The following NXPE4 variants were observed in gnomAD, a reference collection of about 807,000 sequenced individuals.
NXPE4 encodes neurexophilin and PC-esterase domain family member 4.
Under a neutral mutation model 33.3 loss-of-function variants are expected in NXPE4, and 42 were observed. That is an observed-to-expected ratio of 1.26 (90% CI 0.98 to 1.63). NXPE4 has a LOEUF of 1.63. Ranked by LOEUF, NXPE4 falls within the 40% of genes most tolerant of loss-of-function variation. The probability of loss-of-function intolerance (pLI) is 0.00; values close to 1 mark genes in which losing one functional copy is unlikely to be tolerated. For missense variants in NXPE4, 709 were observed against 647.6 expected (o/e 1.09, Z -1.03); for synonymous variants, 253 against 234.9 (o/e 1.08, Z -0.71).
At chr11:114,577,556 A>G (rs1949040020) in intron 5 of NXPE4, among the ~76,000 whole-genome samples, 1 of 152,156 alleles carries the variant, frequency 6.6e-6, no homozygotes, top group African/African-American at 2.4e-5. Flanking sequence ...GAAATAAAAA[A>G]CTTAAAAATT....
the NXPE4 span, among the ~76,000 whole-genome samples, chr11:114,676,151 A>G: frequency 6.6e-6 from 1 of 152,004 alleles, no homozygotes; most frequent in Non-Finnish European, 1.5e-5. Flanking sequence ...TAAAACTGCT[A>G]GAAGAAAACA....
chr11:114,625,948 G>T, the NXPE4 span, among the ~76,000 whole-genome samples: 1 of 152,108 alleles, frequency 6.6e-6, no homozygotes, highest in African/African-American at 2.4e-5. Flanking sequence ...ACTCCCACCC[G>T]AATACTGCAC....
chr11:114,631,458 G>A, the NXPE4 span, among the ~76,000 whole-genome samples: 43 of 145,972 alleles, frequency 2.9e-4, no homozygotes, highest in South Asian at 8.4e-3. Context: ...TCACTCATAG[G>A]TGGGAACTGA....
chr11:114,670,602 G>A, the NXPE4 span, among the ~76,000 whole-genome samples: 3 of 152,044 alleles, frequency 2.0e-5, no homozygotes, highest in Admixed American at 6.6e-5. Flanking sequence ...TGAGGCAGGA[G>A]GATCACTTGA....
At chr11:114,595,089 A>G (rs545250749) in intron 1 of NXPE4, among the ~76,000 whole-genome samples, 93 of 152,284 alleles carry the variant, frequency 6.1e-4, no homozygotes, top group African/African-American at 2.1e-3. Flanking sequence ...TTTGTCACCT[A>G]TCAGGTTCCC....
chr11:114,628,500 C>T, the NXPE4 span, among the ~76,000 whole-genome samples: 2 of 152,028 alleles, frequency 1.3e-5, no homozygotes, highest in African/African-American at 4.8e-5. Flanking sequence ...GTACCAGAAT[C>T]TCTGGGACAC....
chr11:114,670,136 G>A, the NXPE4 span, among the ~76,000 whole-genome samples: 3 of 151,982 alleles, frequency 2.0e-5, no homozygotes, highest in African/African-American at 7.2e-5. Context: ...TTAGACCATA[G>A]AGCAGTTTAT....
the NXPE4 span, among the ~76,000 whole-genome samples, chr11:114,676,896 A>C: frequency 5.7e-4 from 86 of 152,184 alleles, no homozygotes; most frequent in African/African-American, 2.0e-3. Context: ...AAATTGTGTC[A>C]TATATACACA....
intron 5 of NXPE4, among the ~76,000 whole-genome samples, chr11:114,579,297 C>T (rs534499658): frequency 1.4e-4 from 21 of 152,212 alleles, no homozygotes; most frequent in African/African-American, 1.9e-4. Context: ...GATCCACCTC[C>T]GTGACCCAAA....
the NXPE4 span, among the ~76,000 whole-genome samples, chr11:114,616,265 A>G: frequency 1.3e-4 from 19 of 147,844 alleles, no homozygotes; most frequent in Non-Finnish European, 1.9e-4. Context: ...AGGACAATAA[A>G]TGTTGCCTCG....
chr11:114,665,182 T>A, the NXPE4 span, among the ~76,000 whole-genome samples: 2 of 152,178 alleles, frequency 1.3e-5, no homozygotes, highest in African/African-American at 4.8e-5. Flanking sequence ...TGCCATTATC[T>A]TAGCAAAATA....
the NXPE4 span, among the ~76,000 whole-genome samples, chr11:114,616,585 C>T: frequency 7.3e-5 from 11 of 151,502 alleles, no homozygotes; most frequent in Admixed American, 7.2e-4. Context: ...CACTGTTACC[C>T]AGTGGATAAT....
chr11:114,634,617 A>T, the NXPE4 span, among the ~76,000 whole-genome samples: 4 of 151,982 alleles, frequency 2.6e-5, no homozygotes, highest in Non-Finnish European at 5.9e-5. Context: ...TAAGTCTTTA[A>T]TACATTTTGA....
chr11:114,580,420 G>C, intron 4 of NXPE4, 82 bp from the exon 5 acceptor site: 2 of 1,180,750 alleles, frequency 1.7e-6, no homozygotes, highest in Admixed American at 3.5e-5. Flanking sequence ...TATCCTCTAA[G>C]TATCCTAAGA....
the NXPE4 span, among the ~76,000 whole-genome samples, chr11:114,622,524 T>G: frequency 6.6e-6 from 1 of 152,038 alleles, no homozygotes; most frequent in African/African-American, 2.4e-5. Flanking sequence ...GCCTCATGGG[T>G]AACCACTGTT....
chr11:114,673,231 G>T, the NXPE4 span, among the ~76,000 whole-genome samples: 1 of 151,258 alleles, frequency 6.6e-6, no homozygotes, highest in Non-Finnish European at 1.5e-5. Context: ...AATAATCAAG[G>T]TGTCAAAGAA....
the NXPE4 span, among the ~76,000 whole-genome samples, chr11:114,601,963 T>G: frequency 0.18 from 14,479 of 81,002 alleles, 1,528 homozygotes; most frequent in Non-Finnish European, 0.22. Context: ...TAATATTATA[T>G]ATTATATATT....
chr11:114,635,995 G>T, the NXPE4 span, among the ~76,000 whole-genome samples: 1 of 151,998 alleles, frequency 6.6e-6, no homozygotes, highest in Non-Finnish European at 1.5e-5. Flanking sequence ...GAGTTAGGGA[G>T]GATTCCCTCT....
chr11:114,589,858 C>A (rs1430158690), intron 2 of NXPE4, among the ~76,000 whole-genome samples: 1 of 152,294 alleles, frequency 6.6e-6, no homozygotes, highest in Non-Finnish European at 1.5e-5. Flanking sequence ...AGCACAAAAA[C>A]CCAATGCAGA....
Sources: gnomAD v4.1 joint callset for allele counts (sites outside exome capture counted in the v4.1 genomes callset) on GRCh38, gnomAD v4.1.1 for gene constraint, MANE v1.5 for transcripts, NCBI Gene and HGNC (gene_info 2026-07-23, HGNC 2026-07-21) for gene names.